Variants in PDE11A observed in about 807,000 individuals in gnomAD.
PDE11A encodes dual 3',5'-cyclic-AMP and -GMP phosphodiesterase 11A.
Under a neutral mutation model 100.5 loss-of-function variants are expected in PDE11A, and 100 were observed. The ratio of observed to expected loss-of-function variants is 1.00; its 90% CI spans 0.85 to 1.18. PDE11A has a LOEUF of 1.18. PDE11A is among the 50% of genes most tolerant of loss of function. PDE11A has a pLI of 0.00. For missense variants in PDE11A, 1,141 were observed against 1,152.6 expected, an observed-to-expected ratio of 0.99 and a Z score of 0.15; for synonymous variants, 381 against 420.8, an observed-to-expected ratio of 0.91 and a Z score of 1.16.
chr2:177,843,305 T>C (rs1389413340), intron 5 of PDE11A, among the ~76,000 whole-genome samples: 1 of 152,172 alleles, frequency 6.6e-6, no homozygotes, highest in Non-Finnish European at 1.5e-5. Flanking sequence ...CCTGTTGCCT[T>C]TCAGAAGGAG....
intron 5 of PDE11A, among the ~76,000 whole-genome samples, chr2:177,854,971 A>G (rs2083804983): frequency 6.6e-6 from 1 of 152,168 alleles, no homozygotes; most frequent in African/African-American, 2.4e-5. Context: ...GAAGTTACAT[A>G]GCAACACAAA....
chr2:177,860,240 G>C (rs751469565), intron 5 of PDE11A, among the ~76,000 whole-genome samples: 8 of 150,868 alleles, frequency 5.3e-5, no homozygotes, highest in Non-Finnish European at 1.2e-4. Context: ...AAAGAGAGAA[G>C]TCTCAAATCA....
chr2:178,062,766 G>T (rs893470261), intron 1 of PDE11A, among the ~76,000 whole-genome samples: 1 of 152,086 alleles, frequency 6.6e-6, no homozygotes, highest in South Asian at 2.1e-4. Flanking sequence ...AAACATTCTG[G>T]TAATCTGATA....
chr2:178,075,134 A>G (rs2087190581), upstream of PDE11A, among the ~76,000 whole-genome samples: 2 of 152,202 alleles, frequency 1.3e-5, no homozygotes, highest in African/African-American at 4.8e-5. Flanking sequence ...CCTGGGACTC[A>G]TAGCGGTAGA....
intron 9 of PDE11A, among the ~76,000 whole-genome samples, chr2:177,781,987 TTAAAA>T (rs2082461255): frequency 6.6e-6 from 1 of 152,230 alleles, no homozygotes; most frequent in Non-Finnish European, 1.5e-5. Context: ...ATTACCCAGA[TTAAAA>T]TGTTAATTTT....
At chr2:178,010,757 T>C (rs1307601455) in intron 2 of PDE11A, among the ~76,000 whole-genome samples, 1 of 152,174 alleles carries the variant, frequency 6.6e-6, no homozygotes, top group Non-Finnish European at 1.5e-5. Flanking sequence ...GTAGAATATA[T>C]TCGTATGTGG....
rs552229532 is a variant in PDE11A at position 177,934,639 on chromosome 2, A to G, written c.1072-29452T>C. On this transcript the variant is annotated intron_variant, in intron 2 of 19. Transcript: ENST00000286063. ...ACCCAGCAATCCCATTATTGGGTAT[A>G]TACCCAAAAGAAAATAAATCATTCT... Among the ~76,000 whole-genome samples the G allele has an allele frequency of 3.3e-5, 5 of 152,364 alleles. No individual in the cohort carries two copies. In the South Asian group the frequency reaches 6.2e-4, roughly 19 times the overall value.
rs151154120 is a variant in PDE11A at position 177,780,333 on chromosome 2, G to A, written c.1738-10960C>T. Among the ~76,000 whole-genome samples the A allele has an allele frequency of 9.4e-3, 1,428 of 152,102 alleles. 28 individuals carry two copies. The highest frequency in any genetic ancestry group is 0.024 in the African/African-American group (994 of 41,470). On this transcript the variant is annotated intron_variant, in intron 9 of 19. Coordinates refer to ENST00000286063, the MANE Select transcript of PDE11A (RefSeq NM_016953.4). Reference sequence around the variant, plus strand: ...AATCCTGACCTCAAGTGATCCTCCCGCCTCAGCCTCCCAAGTAGCTGGGAC... The same window carrying A: ...AATCCTGACCTCAAGTGATCCTCCCACCTCAGCCTCCCAAGTAGCTGGGAC...
Position 177,629,208 on chromosome 2 carries a change from T to C in PDE11A, c.*199A>G. ...AGTGAGGGTCCTGGGGTGTGCTCCC[T>C]GCCCCACCTCTTTCTTTGTCCTTCC... is the stretch of plus-strand genomic sequence containing the variant. On this transcript the variant is annotated 3_prime_UTR_variant, in exon 20 of 20. Transcript: ENST00000286063. 1.6e-6 allele frequency: 1 copy of C among 630,548 alleles called. No homozygotes were observed. The highest frequency in any genetic ancestry group is 1.8e-5 in the South Asian group (1 of 55,622). 39.1% of individuals were successfully genotyped at this position (630,548 alleles called of 1,614,324 possible).
chr2:177,819,925 A>ATTG (rs2083109922), intron 7 of PDE11A, among the ~76,000 whole-genome samples: 3 of 128,076 alleles, frequency 2.3e-5, no homozygotes, highest in African/African-American at 5.5e-5. Context: ...TTTTTTTTTC[A>ATTG]CTCTCTGCCT....
At chr2:177,925,175 T>C (rs899336158) in intron 2 of PDE11A, among the ~76,000 whole-genome samples, 6 of 151,296 alleles carry the variant, frequency 4.0e-5, no homozygotes, top group Non-Finnish European at 8.9e-5. Flanking sequence ...TTGTGAATAA[T>C]GCTGCAATAA....
intron 13 of PDE11A, among the ~76,000 whole-genome samples, chr2:177,706,106 C>CA (rs2081275549): frequency 6.6e-6 from 1 of 152,104 alleles, no homozygotes; most frequent in Non-Finnish European, 1.5e-5. Flanking sequence ...AAATTAAGAA[C>CA]AAAATATGAA....
chr2:178,073,377 T>C (rs2087164495), upstream of PDE11A, among the ~76,000 whole-genome samples: 1 of 152,168 alleles, frequency 6.6e-6, no homozygotes, highest in African/African-American at 2.4e-5. Flanking sequence ...ACCAAATTCA[T>C]GTACCTGGGG....
intron 10 of PDE11A, among the ~76,000 whole-genome samples, chr2:177,746,639 G>A (rs748335569): frequency 1.1e-4 from 16 of 152,208 alleles, no homozygotes; most frequent in South Asian, 4.1e-4. Flanking sequence ...GAAGCTAAAA[G>A]ATAACATCTA....
chr2:177,912,873 T>C (rs950001749), intron 2 of PDE11A, among the ~76,000 whole-genome samples: 2 of 152,212 alleles, frequency 1.3e-5, no homozygotes, highest in Non-Finnish European at 2.9e-5. Context: ...TATGACCAGT[T>C]TCTATGGATG....
intron 19 of PDE11A, among the ~76,000 whole-genome samples, chr2:177,631,908 AC>A (rs2079956065): frequency 6.6e-6 from 1 of 151,886 alleles, no homozygotes; most frequent in Admixed American, 6.6e-5. Flanking sequence ...CCTCACAATG[AC>A]TGTGCATCTT....
intron 2 of PDE11A, chr2:177,997,608 G>A (rs1015130333): frequency 2.8e-6 from 3 of 1,086,730 alleles, no homozygotes; most frequent in East Asian, 4.7e-5. Context: ...GAAGTTGTCT[G>A]ATATAAACTT....
intron 17 of PDE11A, among the ~76,000 whole-genome samples, chr2:177,671,660 G>A (rs767483550): frequency 4.6e-5 from 7 of 151,632 alleles, no homozygotes; most frequent in South Asian, 2.1e-4. Flanking sequence ...CAAGCTTTCC[G>A]ATGGAAACAT....
chr2:177,795,705 T>G (rs965907769), intron 9 of PDE11A, among the ~76,000 whole-genome samples: 1 of 151,784 alleles, frequency 6.6e-6, no homozygotes, highest in Non-Finnish European at 1.5e-5. Flanking sequence ...ATTTATGGGG[T>G]ACATGTGTTT....
Sources: gnomAD v4.1 joint callset for allele counts (sites outside exome capture counted in the v4.1 genomes callset) on GRCh38, gnomAD v4.1.1 for gene constraint, MANE v1.5 for transcripts, NCBI Gene and HGNC (gene_info 2026-07-23, HGNC 2026-07-21) for gene names.